NAALADL2: variants seen among roughly 807,000 people sequenced by gnomAD.
NAALADL2 encodes the protein N-acetylated alpha-linked acidic dipeptidase like 2, also known as inactive N-acetylated-alpha-linked acidic dipeptidase-like protein 2.
Under a neutral mutation model 87.2 loss-of-function variants are expected in NAALADL2, and 76 were observed. The observed-to-expected ratio is 0.87, with a 90% CI of 0.72 to 1.05. The LOEUF (loss-of-function observed/expected upper bound fraction) is 1.05, where lower values mean the gene tolerates loss of function less well. NAALADL2 is among the 50% of genes least tolerant of loss of function. The pLI is 0.00. For missense variants in NAALADL2, 1,089 were observed against 945.8 expected (o/e 1.15, Z -1.99); for synonymous variants, 354 against 331.0 (o/e 1.07, Z -0.75).
chr3:175,373,142 A>G (rs537489874), intron 5 of NAALADL2, among the ~76,000 whole-genome samples: 8 of 152,328 alleles, frequency 5.3e-5, no homozygotes, highest in Admixed American at 4.6e-4. Flanking sequence ...TCCCTGTTCC[A>G]TATTAATTTT....
intron 9 of NAALADL2, among the ~76,000 whole-genome samples, chr3:175,545,744 A>T (rs760787362): frequency 6.6e-6 from 1 of 152,190 alleles, no homozygotes; most frequent in Non-Finnish European, 1.5e-5. Context: ...ATGCCAACTT[A>T]CATGAACATG....
At chr3:175,482,571 A>T (rs1726639553) in intron 9 of NAALADL2, among the ~76,000 whole-genome samples, 1 of 152,066 alleles carries the variant, frequency 6.6e-6, no homozygotes, top group East Asian at 1.9e-4. Context: ...TTCTCAAAAG[A>T]TCTTCTCATC....
chr3:175,733,209 G>A (rs1050276013), intron 11 of NAALADL2, among the ~76,000 whole-genome samples: 79 of 152,220 alleles, frequency 5.2e-4, no homozygotes, highest in African/African-American at 1.3e-3. Flanking sequence ...GTATTAGTTC[G>A]TTTTCACACT....
chr3:174,449,342 T>A (rs1170362124), intron 1 of NAALADL2, among the ~76,000 whole-genome samples: 1 of 152,144 alleles, frequency 6.6e-6, no homozygotes, highest in Non-Finnish European at 1.5e-5. Context: ...ACAAAAAACA[T>A]TTCAGCACTA....
At chr3:174,767,513 A>G (rs1172545765) in intron 3 of NAALADL2, among the ~76,000 whole-genome samples, 4 of 152,090 alleles carry the variant, frequency 2.6e-5, no homozygotes, top group East Asian at 1.9e-4. Context: ...CAAACGTTAT[A>G]TGGTGTCTAC....
chr3:174,515,545 A>G (rs964620207), intron 1 of NAALADL2, among the ~76,000 whole-genome samples: 3 of 152,160 alleles, frequency 2.0e-5, no homozygotes, highest in Admixed American at 6.5e-5. Context: ...TAGGCTATAT[A>G]CTGTTAAAGG....
At chr3:175,034,675 C>A (rs761130304) in intron 1 of NAALADL2, among the ~76,000 whole-genome samples, 34 of 152,110 alleles carry the variant, frequency 2.2e-4, no homozygotes, top group Non-Finnish European at 4.3e-4. Context: ...TAGATCCAAA[C>A]TGCCGAGAAT....
intron 1 of NAALADL2, among the ~76,000 whole-genome samples, chr3:175,018,687 A>T (rs1276948738): frequency 6.6e-6 from 1 of 152,080 alleles, no homozygotes; most frequent in Non-Finnish European, 1.5e-5. Flanking sequence ...CATTCAACGT[A>T]TTAAAAGTGG....
chr3:174,471,171 A>G (rs1159310010), intron 1 of NAALADL2, among the ~76,000 whole-genome samples: 2 of 151,692 alleles, frequency 1.3e-5, no homozygotes, highest in Admixed American at 1.3e-4. Context: ...TTCAAAATTG[A>G]CTTTTATAAT....
intron 1 of NAALADL2, among the ~76,000 whole-genome samples, chr3:174,986,929 G>T (rs191900056): frequency 6.6e-6 from 1 of 152,264 alleles, no homozygotes; most frequent in East Asian, 1.9e-4. Flanking sequence ...GCTTTCTGAT[G>T]ATAGGAGTTG....
chr3:174,575,998 G>T lies in NAALADL2; in HGVS notation c.-115+25361G>T, dbSNP rs147931605. Reference sequence around the variant, plus strand: ...CCTGCCTCAGACTCCTGAGTAGCTGGGATTACAGGCATGCACCACCATGCC... The same window carrying T: ...CCTGCCTCAGACTCCTGAGTAGCTGTGATTACAGGCATGCACCACCATGCC... On this transcript the variant is annotated intron_variant, in intron 2 of 3. Transcript: ENST00000434257. Among the ~76,000 whole-genome samples, 595 of 152,144 alleles carry T rather than the reference G, an allele frequency of 3.9e-3. 2 individuals are homozygous for T. The highest frequency in any genetic ancestry group is 0.014 in the African/African-American group (567 of 41,500).
intron 4 of NAALADL2, among the ~76,000 whole-genome samples, chr3:175,277,889 C>G (rs1753803180): frequency 6.6e-6 from 1 of 152,152 alleles, no homozygotes; most frequent in Admixed American, 6.5e-5. Context: ...CTTACTGTTA[C>G]TTTCTTAGAC....
chr3:175,672,987 A>C (rs1734215348), intron 11 of NAALADL2, among the ~76,000 whole-genome samples: 1 of 152,120 alleles, frequency 6.6e-6, no homozygotes, highest in Admixed American at 6.6e-5. Flanking sequence ...TATATTACCC[A>C]AGCCATAGTT....
At chr3:174,811,345 G>A (rs1254629690) in intron 3 of NAALADL2, among the ~76,000 whole-genome samples, 2 of 152,146 alleles carry the variant, frequency 1.3e-5, no homozygotes, top group Admixed American at 6.5e-5. Flanking sequence ...AACTGTAGTG[G>A]CTGCACCCTG....
chr3:175,800,943 G>GACTT (rs1472158171), intron 13 of NAALADL2, among the ~76,000 whole-genome samples: 1 of 152,152 alleles, frequency 6.6e-6, no homozygotes, highest in Non-Finnish European at 1.5e-5. Flanking sequence ...GAAAGCGAAT[G>GACTT]ACTTACAGGG....
intron 4 of NAALADL2, 31 bp downstream of exon 4, chr3:175,256,561 G>T: frequency 6.3e-7 from 1 of 1,598,090 alleles, no homozygotes; most frequent in South Asian, 1.1e-5. Context: ...TCAGTGGTTT[G>T]GTCAATATTT....
chr3:174,508,849 C>T (rs1416964214), intron 1 of NAALADL2, among the ~76,000 whole-genome samples: 3 of 152,146 alleles, frequency 2.0e-5, no homozygotes, highest in African/African-American at 7.2e-5. Context: ...CCGAGTTTAA[C>T]ACCAGCATGG....
intron 4 of NAALADL2, among the ~76,000 whole-genome samples, chr3:175,272,692 G>A (rs1441500627): frequency 1.3e-5 from 2 of 151,960 alleles, no homozygotes; most frequent in Non-Finnish European, 2.9e-5. Flanking sequence ...TTTTAATGTA[G>A]ACAATAAATT....
intron 1 of NAALADL2, among the ~76,000 whole-genome samples, chr3:174,948,272 G>A (rs983922018): frequency 2.0e-5 from 3 of 152,054 alleles, no homozygotes; most frequent in Non-Finnish European, 4.4e-5. Context: ...CACCTCCCGG[G>A]TTGAAGCAGT....
Sources: allele counts gnomAD v4.1 joint callset (sites outside exome capture counted in the v4.1 genomes callset), GRCh38; gene constraint gnomAD v4.1.1; transcripts MANE v1.5; gene names NCBI Gene and HGNC (gene_info 2026-07-23, HGNC 2026-07-21).